The following TRIO variants were observed in gnomAD, a reference collection of about 807,000 sequenced individuals.
TRIO encodes trio Rho guanine nucleotide exchange factor.
TRIO carries 58 observed loss-of-function variants against 351.9 expected under a neutral mutation model. The observed-to-expected ratio is 0.16, with a 90% confidence interval of 0.13 to 0.21. TRIO has a LOEUF of 0.21. Ranked by LOEUF, TRIO falls within the 10% of genes least tolerant of loss-of-function variation. The probability of loss-of-function intolerance (pLI) is 1.00; values close to 1 mark genes in which losing one functional copy is unlikely to be tolerated. For missense variants in TRIO, 3,201 were observed against 4,027.8 expected (o/e 0.79, Z 5.56); for synonymous variants, 1,758 against 1,595.7 (o/e 1.10, Z -2.42).
intron 11 of TRIO, among the ~76,000 whole-genome samples, chr5:14,348,981 A>G (rs1742737685): frequency 1.5e-5 from 2 of 133,854 alleles, no homozygotes; most frequent in South Asian, 2.4e-4. Context: ...TCCTGTGTGT[A>G]TATGTGTGCG....
At chr5:14,368,049 C>A (rs1029045798) in intron 16 of TRIO, among the ~76,000 whole-genome samples, 3 of 152,212 alleles carry the variant, frequency 2.0e-5, no homozygotes, top group Non-Finnish European at 4.4e-5. Flanking sequence ...ACCACACCCT[C>A]CCTTGGCTCT....
rs552195162 is a variant in TRIO at position 14,435,916 on chromosome 5, C to T, written c.5203+15895C>T. On this transcript the variant is annotated intron_variant, in intron 34 of 56. Coordinates refer to ENST00000344204, the MANE Select transcript of TRIO (RefSeq NM_007118.4). ...ATTTCTCCAAGAAGCCCTCCTGGTC[C>T]GTTTTGTTGGAGAATGGTCTTAGAA... 5.3e-5 allele frequency among the ~76,000 whole-genome samples: 8 copies of T among 152,254 alleles called. No individual in the cohort carries two copies. In the South Asian group the frequency reaches 1.2e-3, roughly 24 times the overall value.
intron 34 of TRIO, among the ~76,000 whole-genome samples, chr5:14,458,404 G>T (rs559353095): frequency 1.3e-5 from 2 of 152,150 alleles, no homozygotes; most frequent in Non-Finnish European, 2.9e-5. Flanking sequence ...TAGGTTACCT[G>T]TGCCCACCTC....
chr5:14,279,744 T>G (rs899975686), intron 2 of TRIO, among the ~76,000 whole-genome samples: 1 of 152,246 alleles, frequency 6.6e-6, no homozygotes, highest in African/African-American at 2.4e-5. Flanking sequence ...TTTAAAATTC[T>G]CATGTGGTTC....
At chr5:14,471,198 T>C in intron 37 of TRIO, 120 bp from the exon 38 acceptor site, 1 of 1,304,288 alleles carries the variant, frequency 7.7e-7, no homozygotes, top group Non-Finnish European at 1.0e-6. Context: ...CAAACAAAGA[T>C]TTTATAATTT....
intron 11 of TRIO, among the ~76,000 whole-genome samples, chr5:14,349,343 G>GTT (rs1561374818): frequency 6.6e-6 from 1 of 151,686 alleles, no homozygotes; most frequent in East Asian, 1.9e-4. Flanking sequence ...ATGAGCATGT[G>GTT]TTTTTCCTGC....
rs376762535 is a variant in TRIO at position 14,505,119 on chromosome 5, G to A, written c.8612+526G>A. The stretch of plus-strand genomic sequence containing the variant: ...AACCAGAGCTGCCCCTCTGGTCCCC[G>A]TTGTACTTACTGGGCTCCTGTGTAA... On this transcript the variant is annotated intron_variant, in intron 55 of 56. Transcript: ENST00000344204. Among the ~76,000 whole-genome samples the A allele has an allele frequency of 2.4e-4, 36 of 152,358 alleles. No individual in the cohort carries two copies. The Middle Eastern group carries it at 0.014, about 58-fold the overall frequency.
chr5:14,238,280 A>G (rs1343172862), intron 1 of TRIO, among the ~76,000 whole-genome samples: 3 of 152,220 alleles, frequency 2.0e-5, no homozygotes, highest in Non-Finnish European at 4.4e-5. Context: ...AGTGAAGAGA[A>G]GCATTCCATT....
chr5:14,161,792 T>G lies in TRIO; in HGVS notation c.157+17910T>G, dbSNP rs188908576. Among the ~76,000 whole-genome samples, 7 of 152,328 alleles carry G rather than the reference T, an allele frequency of 4.6e-5. No individual in the cohort carries two copies. The East Asian group carries it at 1.4e-3, about 29-fold the overall frequency. On this transcript the variant is annotated intron_variant, in intron 1 of 56. Transcript: ENST00000344204. ...CCCAGGCTAGAGTTCAGTGGTGTGA[T>G]TATGGCTTACTGCAGCCTTCACCTT...
intron 17 of TRIO, 44 bp from the exon 18 acceptor site, chr5:14,369,330 G>A (rs375688635): frequency 6.7e-5 from 104 of 1,559,348 alleles, no homozygotes; most frequent in Non-Finnish European, 8.3e-5. Flanking sequence ...CCAGTCGGCA[G>A]TGGCAGATGC....
intron 8 of TRIO, among the ~76,000 whole-genome samples, chr5:14,305,640 T>C (rs941218673): frequency 2.6e-5 from 4 of 152,224 alleles, no homozygotes; most frequent in Non-Finnish European, 5.9e-5. Context: ...GTCAAAGTTG[T>C]TGGGAAGAAA....
intron 48 of TRIO, among the ~76,000 whole-genome samples, chr5:14,492,153 G>A (rs1253291131): frequency 6.6e-6 from 1 of 152,146 alleles, no homozygotes; most frequent in Non-Finnish European, 1.5e-5. Flanking sequence ...GATTAATTTT[G>A]CATCAATTAA....
At chr5:14,167,647 C>T (rs1020951939) in intron 1 of TRIO, among the ~76,000 whole-genome samples, 4 of 152,170 alleles carry the variant, frequency 2.6e-5, no homozygotes, top group Admixed American at 1.3e-4. Context: ...CTGAGACTTG[C>T]CCCAGACATC....
intron 1 of TRIO, among the ~76,000 whole-genome samples, chr5:14,260,176 T>A (rs1356978085): frequency 6.6e-6 from 1 of 152,230 alleles, no homozygotes; most frequent in Non-Finnish European, 1.5e-5. Flanking sequence ...TGGAACACCT[T>A]TTTTATGTTA....
chr5:14,298,031 C>A (rs1737516992), intron 7 of TRIO, among the ~76,000 whole-genome samples: 1 of 152,202 alleles, frequency 6.6e-6, no homozygotes, highest in South Asian at 2.1e-4. Context: ...AAGGGTGGAT[C>A]TGGTGTTTAG....
At chr5:14,176,064 G>A (rs1398391085) in intron 1 of TRIO, among the ~76,000 whole-genome samples, 1 of 152,196 alleles carries the variant, frequency 6.6e-6, no homozygotes, top group Non-Finnish European at 1.5e-5. Flanking sequence ...AGCACTTTGG[G>A]AAGCTGAGGT....
At chr5:14,370,955 G>T (rs777755224) in intron 18 of TRIO, among the ~76,000 whole-genome samples, 4 of 152,184 alleles carry the variant, frequency 2.6e-5, no homozygotes, top group Non-Finnish European at 5.9e-5. Context: ...CTCAAGTTAC[G>T]ATGGTTTGAC....
At chr5:14,416,148 C>T (rs1240130695) in intron 33 of TRIO, among the ~76,000 whole-genome samples, 3 of 149,182 alleles carry the variant, frequency 2.0e-5, no homozygotes, top group Non-Finnish European at 3.0e-5. Flanking sequence ...GGTAGAAATT[C>T]TCTGAAAGCC....
At chr5:14,430,139 T>C (rs1385725050) in intron 34 of TRIO, among the ~76,000 whole-genome samples, 6 of 148,588 alleles carry the variant, frequency 4.0e-5, no homozygotes, top group Non-Finnish European at 7.4e-5. Flanking sequence ...AATGTATTTA[T>C]AGGGAAAAAA....
Sources: gnomAD v4.1 joint callset for allele counts (sites outside exome capture counted in the v4.1 genomes callset) on GRCh38, gnomAD v4.1.1 for gene constraint, MANE v1.5 for transcripts, NCBI Gene and HGNC (gene_info 2026-07-23, HGNC 2026-07-21) for gene names.